The following ACADS variants were observed in gnomAD, a reference collection of about 807,000 sequenced individuals.
ACADS encodes the protein short-chain specific acyl-CoA dehydrogenase, mitochondrial.
ACADS carries 28 observed loss-of-function variants against 46.8 expected under a neutral mutation model. That is an observed-to-expected ratio of 0.60 (90% CI 0.44 to 0.82). The LOEUF (loss-of-function observed/expected upper bound fraction) is 0.82. ACADS is among the 40% of genes least tolerant of loss of function. The probability of loss-of-function intolerance (pLI) is 0.00; values close to 1 mark genes in which losing one functional copy is unlikely to be tolerated. For missense variants in ACADS, 528 were observed against 578.0 expected (o/e 0.91, Z 0.89); for synonymous variants, 236 against 237.7 (o/e 0.99, Z 0.07).
At chr12:120,732,893 C>T (rs1055051903) in intron 2 of ACADS, among the ~76,000 whole-genome samples, 3 of 152,264 alleles carry the variant, frequency 2.0e-5, no homozygotes, top group Admixed American at 6.5e-5. Context: ...GAGGTTGTAG[C>T]GAGCTGAGAT....
intron 5 of ACADS, 100 bp downstream of exon 5, chr12:120,738,088 T>C: frequency 1.3e-6 from 2 of 1,584,378 alleles, no homozygotes; most frequent in Non-Finnish European, 1.7e-6. Flanking sequence ...ATTTTTGCTC[T>C]GGGGCAAGTG....
In ACADS at chr12:120,733,091, G is replaced by A. The variant is rs369104211; in HGVS notation, c.211-3895G>A. 6.5e-3 allele frequency among the ~76,000 whole-genome samples: 984 copies of A among 151,704 alleles called. 21 individuals are homozygous for A. The highest frequency in any genetic ancestry group is 0.052 in the Admixed American group (796 of 15,246). The stretch of plus-strand genomic sequence containing the variant: ...ACGAAAACCAGTCAGGCGTGGCGGC[G>A]CGCGCCTGCAATCGCAGGCACTCGG... On this transcript the variant is annotated intron_variant, in intron 2 of 9. Transcript: ENST00000242592.
intron 1 of ACADS, among the ~76,000 whole-genome samples, chr12:120,726,440 C>T (rs1255519934): frequency 2.0e-5 from 3 of 152,238 alleles, no homozygotes; most frequent in African/African-American, 7.2e-5. Context: ...TAATACAGTA[C>T]CTTTCCCATC....
intron 9 of ACADS, 24 bp downstream of exon 9, chr12:120,739,220 A>AG (rs752240673): frequency 6.2e-7 from 1 of 1,612,880 alleles, no homozygotes; most frequent in Non-Finnish European, 8.5e-7. Flanking sequence ...GTGAGCTCTG[A>AG]GGGGGCCAGC....
In ACADS at chr12:120,738,617, G is replaced by T. The variant is rs770406570; in HGVS notation, c.880G>T (p.Ala294Ser). 2 of 1,613,266 alleles carry T rather than the reference G, an allele frequency of 1.2e-6. No individual in the cohort carries two copies. The highest frequency in any genetic ancestry group is 1.7e-5 in the Admixed American group (1 of 60,032). Residue 294 changes from alanine to serine, a missense_variant, in exon 7 of 10, where the codon GCT becomes TCT. Physicochemically the swap from Ala to Ser is moderately conservative, Grantham distance 99 (BLOSUM62 1). Transcript: ENST00000242592. The part of the protein sequence containing the change: ...QTALDCAVNY[A>S]ENRMAFGAPL... The stretch of plus-strand genomic sequence containing the variant: ...CGCCCTCGATTGTGCTGTGAACTAC[G>T]CTGAGAATCGCATGGCCTTCGGGGC...
At chr12:120,726,996 CCTT>C (rs1227546636) in intron 1 of ACADS, 27 bp from the exon 2 acceptor site, 23 of 1,613,766 alleles carry the variant, frequency 1.4e-5, no homozygotes, top group Non-Finnish European at 1.9e-5. Context: ...CCTGCCTCCT[CCTT>C]CCACTCACTT....
rs752764808 is a variant in ACADS, at chr12:120,727,084, C to A, written c.105C>A (p.Pro35=). ...CCATCTACCAGTCTGTGGAACTGCC[C>A]GAGACACACCAGATGTTGCTCCAGA... ...LHTIYQSVEL[P]ETHQMLLQTC... is the part of the protein sequence containing the mutation. Residue 35 remains proline (P), a synonymous_variant, in exon 2 of 10, where the codon CCC becomes CCA. Coordinates refer to ENST00000242592, the MANE Select transcript of ACADS (RefSeq NM_000017.4). 1 of 1,613,812 alleles carries A rather than the reference C, an allele frequency of 6.2e-7. No homozygotes were observed. Among genetic ancestry groups the A allele is most frequent in the African/African-American group, 1.3e-5 (1 of 74,884 alleles).
rs771419406 is a variant in ACADS, at chr12:120,739,441, G to A, written c.1232G>A (p.Arg411Gln). ...VIAGHLLRSY[R>Q]S ...GCCGGGCATCTGCTCAGGAGCTACC[G>A]GAGCTGAGCCCGCGGCGGACTGCCC... Residue 411 changes from arginine to glutamine, a missense_variant, in exon 10 of 10, where the codon CGG (arginine) becomes CAG (glutamine). By Grantham distance (43) the Arg-to-Gln change is conservative. Transcript: ENST00000242592. 36 of 1,609,410 alleles carry A rather than the reference G, an allele frequency of 2.2e-5. No homozygotes were observed. Among genetic ancestry groups the A allele is most frequent in the Admixed American group, 1.0e-4 (6 of 59,956 alleles).
At chr12:120,737,578 G>A (rs527543350) in intron 4 of ACADS, 111 bp downstream of exon 4, 8 of 1,167,868 alleles carry the variant, frequency 6.9e-6, no homozygotes, top group African/African-American at 3.0e-5. Context: ...GAGGCTCCCC[G>A]TGTGGTTGGT....
At position 120,739,548 on chromosome 12, in the gene ACADS, T is replaced by G. The variant is rs1883593087; in HGVS notation, c.*100T>G. 1 of 1,441,538 alleles carries G rather than the reference T, an allele frequency of 6.9e-7. No homozygotes were observed. The allele number at this position is 1,441,538 out of a possible 1,614,324, so 89.3% of individuals were successfully genotyped here. On this transcript the variant is annotated 3_prime_UTR_variant, in exon 10 of 10. Transcript: ENST00000242592. ...ACTGGGCGGCCCGGCGGGGGCTCCC[T>G]GGGGACCCCAGATGGGCTCAGTGCT...
Position 120,739,654 on chromosome 12 carries a change from A to C in ACADS, c.*206A>C. 1.6e-6 allele frequency: 1 copy of C among 626,048 alleles called. No individual in the cohort carries two copies. The allele number at this position is 626,048 out of a possible 1,614,324, so 38.8% of individuals were successfully genotyped here. A position where few individuals can be genotyped will look rare whatever the true frequency, so the allele number is the denominator to read the frequency against. ...CTCTGGGCCTTTCCGCCTCCTCACC[A>C]CTGTGCCTCAAGTTCCTCATCTAAG... On this transcript the variant is annotated 3_prime_UTR_variant, in exon 10 of 10. Coordinates refer to ENST00000242592, the MANE Select transcript of ACADS (RefSeq NM_000017.4).
At chr12:120,738,506 G>T (rs371486151) in intron 6 of ACADS, 27 bp from the exon 7 acceptor site, 1 of 1,606,176 alleles carries the variant, frequency 6.2e-7, no homozygotes, top group Non-Finnish European at 8.5e-7. Context: ...CCGGCTGGCG[G>T]GCCACTGACC....
In ACADS at chr12:120,738,388, G is replaced by A. The variant is rs1405709303; in HGVS notation, c.733G>A (p.Asp245Asn). The A allele has an allele frequency of 1.2e-6, 2 of 1,613,798 alleles. No homozygotes were observed. The highest frequency in any genetic ancestry group is 2.7e-5 in the African/African-American group (2 of 74,940). The change falls in exon 6 of 10, where the codon GAC (aspartate) becomes AAC (asparagine). Residue 245 changes from aspartate (D) to asparagine (N), a missense_variant. Coordinates refer to ENST00000242592, the MANE Select transcript of ACADS (RefSeq NM_000017.4). ...GSSTANLIFE[D>N]CRIPKDSILG... ...ATCCACGGCCAACCTCATCTTTGAG[G>A]ACTGTCGCATCCCCAAGGACAGCAT...
At position 120,727,069 on chromosome 12, in the gene ACADS, G is replaced by A. The variant is rs1883107439; in HGVS notation, c.90G>A (p.Gln30=). The change falls in exon 2 of 10, where the codon CAG becomes CAA. Residue 30 remains glutamine, a synonymous_variant. Coordinates refer to ENST00000242592, the MANE Select transcript of ACADS (RefSeq NM_000017.4). The part of the protein sequence containing the change: ...RAWRQLHTIY[Q]SVELPETHQM... ...GGCGGCAGTTACACACCATCTACCA[G>A]TCTGTGGAACTGCCCGAGACACACC... 4 of 1,614,176 alleles carry A rather than the reference G, an allele frequency of 2.5e-6. No homozygotes were observed. The highest frequency in any genetic ancestry group is 3.3e-4 in the Middle Eastern group (2 of 6,062).
Position 120,739,297 on chromosome 12 carries a change from C to A in ACADS, c.1088C>A (p.Ala363Asp). 6.2e-7 allele frequency: 1 copy of A among 1,613,104 alleles called. No individual in the cohort carries two copies. The highest frequency in any genetic ancestry group is 8.5e-7 in the Non-Finnish European group (1 of 1,179,968). Residue 363 changes from alanine to aspartate, a missense_variant and splice_region_variant, in exon 10 of 10, where the codon GCC (alanine) becomes GAC (aspartate). Physicochemically the swap from Ala to Asp is moderately radical, Grantham distance 126. Coordinates refer to ENST00000242592, the MANE Select transcript of ACADS (RefSeq NM_000017.4). ...CCTGAGCCACTGTTCTCATCTCAGGCCATCCAGATCCTGGGCGGCATGGGC... is the reference window on the plus strand; with the variant it reads ...CCTGAGCCACTGTTCTCATCTCAGGACATCCAGATCCTGGGCGGCATGGGC... ...SEAATAISHQ[A>D]IQILGGMGYV...
rs1029775948 is a variant in ACADS, at chr12:120,737,397, G to A, written c.402G>A (p.Glu134=). Residue 134 remains glutamate (E), a synonymous_variant, in exon 4 of 10, where the codon GAG becomes GAA. Transcript: ENST00000242592. ...LGPILKFGSK[E]QKQAWVTPFT... is the part of the protein sequence containing the mutation. Reference sequence around the variant, plus strand: ...CCATCTTGAAGTTTGGCTCCAAGGAGCAGAAGCAGGCGTGGGTCACGCCTT... The same window carrying A: ...CCATCTTGAAGTTTGGCTCCAAGGAACAGAAGCAGGCGTGGGTCACGCCTT... 2.5e-6 allele frequency: 4 copies of A among 1,614,070 alleles called. No individual in the cohort carries two copies. Among genetic ancestry groups the A allele is most frequent in the African/African-American group, 1.3e-5 (1 of 74,962 alleles).
In ACADS at chr12:120,727,062, T is replaced by G. The variant is rs1345023746; in HGVS notation, c.83T>G (p.Ile28Ser). 1.2e-6 allele frequency: 2 copies of G among 1,614,022 alleles called. No homozygotes were observed. Among genetic ancestry groups the G allele is most frequent in the African/African-American group, 2.7e-5 (2 of 74,908 alleles). ...CPRAWRQLHT[I>S]YQSVELPETH... ...AGGGCCTGGCGGCAGTTACACACCA[T>G]CTACCAGTCTGTGGAACTGCCCGAG... is the stretch of plus-strand genomic sequence containing the variant. The change falls in exon 2 of 10, where the codon ATC becomes AGC. Residue 28 changes from isoleucine (I) to serine (S), a missense_variant. Ile to Ser is a moderately radical substitution (Grantham distance 142). Transcript: ENST00000242592.
At chr12:120,735,305 CAA>C (rs1357270070) in intron 2 of ACADS, among the ~76,000 whole-genome samples, 2 of 86,962 alleles carry the variant, frequency 2.3e-5, no homozygotes, top group Admixed American at 1.3e-4. Flanking sequence ...AAGAAACAAA[CAA>C]AGTGCTGGGA....
At chr12:120,739,052 C>A (rs1401669391) in intron 8 of ACADS, 88 bp from the exon 9 acceptor site, 13 of 1,592,886 alleles carry the variant, frequency 8.2e-6, no homozygotes, top group Non-Finnish European at 1.0e-5. Context: ...TGGGGAGGCT[C>A]CACAGGCCTC....
Sources: gnomAD v4.1 joint callset for allele counts (sites outside exome capture counted in the v4.1 genomes callset) on GRCh38, gnomAD v4.1.1 for gene constraint, MANE v1.5 for transcripts, NCBI Gene and HGNC (gene_info 2026-07-23, HGNC 2026-07-21) for gene names.